Variants in SOX5 observed in about 807,000 individuals in gnomAD.
SOX5 encodes the protein transcription factor SOX-5.
Under a neutral mutation model 92.0 loss-of-function variants are expected in SOX5, and 9 were observed. The observed-to-expected ratio is 0.10, with a 90% confidence interval of 0.06 to 0.17. The LOEUF is 0.17. Ranked by LOEUF, SOX5 falls within the 10% of genes least tolerant of loss-of-function variation. SOX5 has a pLI of 1.00. For missense variants in SOX5, 642 were observed against 944.5 expected (o/e 0.68, Z 4.20); for synonymous variants, 344 against 336.3 (o/e 1.02, Z -0.25).
In SOX5 at chr12:24,007,132, C is replaced by CAAAA. The variant is rs377717275; in HGVS notation, c.-1-111112_-1-111109dup. 1.1e-3 allele frequency among the ~76,000 whole-genome samples: 27 copies of CAAAA among 24,658 alleles called. 1 individual carries two copies. Among genetic ancestry groups the CAAAA allele is most frequent in the Non-Finnish European group, 1.3e-3 (14 of 11,020 alleles). 16.2% of individuals were successfully genotyped at this position (24,658 alleles called of 152,430 possible). ...TAGGTGACAGAGCGAGACTCCATCT[C>CAAAA]AAAAAAAAATATATATATATATATA... On this transcript the variant is annotated intron_variant, in intron 4 of 4. Transcript: ENST00000446891.
chr12:24,244,093 T>C (rs1938105241), intron 3 of SOX5, among the ~76,000 whole-genome samples: 1 of 149,222 alleles, frequency 6.7e-6, no homozygotes, highest in African/African-American at 2.5e-5. Context: ...TTACACCAAA[T>C]CATAATTTCC....
chr12:24,061,697 A>G (rs2137279505), intron 4 of SOX5, among the ~76,000 whole-genome samples: 1 of 151,546 alleles, frequency 6.6e-6, no homozygotes, highest in East Asian at 1.9e-4. Flanking sequence ...TAACTGAATC[A>G]CTTAAGGTTT....
chr12:23,818,319 G>C (rs1344110922), intron 3 of SOX5, among the ~76,000 whole-genome samples: 1 of 152,126 alleles, frequency 6.6e-6, no homozygotes, highest in African/African-American at 2.4e-5. Flanking sequence ...TTGTTACTGT[G>C]CTGAATACCG....
At chr12:23,823,146 G>A (rs558683393) in intron 3 of SOX5, among the ~76,000 whole-genome samples, 27 of 152,292 alleles carry the variant, frequency 1.8e-4, no homozygotes, top group Non-Finnish European at 3.1e-4. Context: ...GTGTGAATTT[G>A]ATCCTGTCAT....
intron 1 of SOX5, among the ~76,000 whole-genome samples, chr12:23,944,843 C>CCA (rs1399096879): frequency 1.3e-4 from 20 of 152,238 alleles, no homozygotes; most frequent in African/African-American, 4.1e-4. Flanking sequence ...TATCTTACTG[C>CCA]CATCATCTGA....
intron 2 of SOX5, among the ~76,000 whole-genome samples, chr12:23,874,417 G>C (rs1320603393): frequency 1.3e-5 from 2 of 151,922 alleles, no homozygotes; most frequent in African/African-American, 2.4e-5. Context: ...CCGCAACCTT[G>C]GTGCTCTTAG....
intron 1 of SOX5, among the ~76,000 whole-genome samples, chr12:24,410,667 T>C (rs905860287): frequency 1.3e-5 from 2 of 152,248 alleles, no homozygotes; most frequent in Non-Finnish European, 2.9e-5. Flanking sequence ...TCCATTGATA[T>C]AAGTGTCTAT....
chr12:24,133,841 C>T (rs910934791), intron 4 of SOX5, among the ~76,000 whole-genome samples: 1 of 152,068 alleles, frequency 6.6e-6, no homozygotes, highest in African/African-American at 2.4e-5. Flanking sequence ...CAGAGAAATG[C>T]AAATAGGGAT....
At chr12:23,649,071 T>C (rs1162697891) in intron 7 of SOX5, among the ~76,000 whole-genome samples, 1 of 152,172 alleles carries the variant, frequency 6.6e-6, no homozygotes, top group East Asian at 1.9e-4. Context: ...TTACTTTGGT[T>C]GAAGTATGCT....
intron 2 of SOX5, among the ~76,000 whole-genome samples, chr12:24,317,028 T>C (rs1949756693): frequency 6.6e-6 from 1 of 152,146 alleles, no homozygotes; most frequent in Admixed American, 6.5e-5. Flanking sequence ...CTGTTGAAAA[T>C]GTCCAAGATG....
chr12:24,559,476 AT>A, intron 1 of SOX5, among the ~76,000 whole-genome samples: 1 of 152,182 alleles, frequency 6.6e-6, no homozygotes, highest in Non-Finnish European at 1.5e-5. Context: ...TTTTTATATA[AT>A]CTGAACATAC....
At chr12:24,213,539 T>C (rs555059922) in intron 3 of SOX5, 3 of 149,854 alleles carry the variant, frequency 2.0e-5, no homozygotes, top group East Asian at 1.9e-4. Flanking sequence ...ATGATAAAGA[T>C]AGTTAAATGA....
intron 7 of SOX5, among the ~76,000 whole-genome samples, chr12:23,658,648 T>C (rs542429249): frequency 5.7e-4 from 87 of 152,170 alleles, no homozygotes; most frequent in Middle Eastern, 3.4e-3. Context: ...TCCTAACACT[T>C]TGGGAGGCCA....
chr12:23,845,346 G>T (rs1265225169), intron 3 of SOX5, among the ~76,000 whole-genome samples: 1 of 152,116 alleles, frequency 6.6e-6, no homozygotes, highest in Admixed American at 6.6e-5. Flanking sequence ...TGTACAATTT[G>T]CAACAGTTAT....
chr12:24,334,000 T>C (rs1267735293), intron 2 of SOX5, among the ~76,000 whole-genome samples: 2 of 151,752 alleles, frequency 1.3e-5, no homozygotes, highest in Non-Finnish European at 2.9e-5. Context: ...AATATAACCC[T>C]GAAACAAATT....
intron 8 of SOX5, among the ~76,000 whole-genome samples, chr12:23,615,877 T>A (rs2137906079): frequency 6.6e-6 from 1 of 152,298 alleles, no homozygotes; most frequent in Non-Finnish European, 1.5e-5. Flanking sequence ...GTAAAACCTA[T>A]CAGAGAGACT....
intron 1 of SOX5, among the ~76,000 whole-genome samples, chr12:24,512,446 A>G (rs1949408955): frequency 6.6e-6 from 1 of 152,262 alleles, no homozygotes; most frequent in Non-Finnish European, 1.5e-5. Flanking sequence ...CAGAGATCAA[A>G]GTTTAATAAA....
At chr12:24,276,514 TCTC>T (rs565213961) in intron 3 of SOX5, among the ~76,000 whole-genome samples, 6 of 152,140 alleles carry the variant, frequency 3.9e-5, no homozygotes, top group Non-Finnish European at 8.8e-5. Flanking sequence ...GTGACAAACT[TCTC>T]CTGAACAACA....
At chr12:23,872,345 C>T (rs1403349553) in intron 2 of SOX5, among the ~76,000 whole-genome samples, 1 of 151,796 alleles carries the variant, frequency 6.6e-6, no homozygotes, top group African/African-American at 2.4e-5. Flanking sequence ...GTACATGTTA[C>T]ATTTATCTAC....
Sources: allele counts gnomAD v4.1 joint callset (sites outside exome capture counted in the v4.1 genomes callset), GRCh38; gene constraint gnomAD v4.1.1; transcripts MANE v1.5; gene names NCBI Gene and HGNC (gene_info 2026-07-23, HGNC 2026-07-21).